The following CDH18 variants were observed in gnomAD, a reference collection of about 807,000 sequenced individuals.
CDH18 encodes cadherin-18.
A neutral mutation model predicts 67.9 loss-of-function variants in CDH18; 31 were observed. The ratio of observed to expected loss-of-function variants is 0.46; its 90% CI spans 0.34 to 0.62. The LOEUF (loss-of-function observed/expected upper bound fraction) is 0.62, where lower values mean the gene tolerates loss of function less well. Ranked by LOEUF, CDH18 falls within the 20% of genes least tolerant of loss-of-function variation. CDH18 has a pLI of 0.01. For synonymous variants in CDH18, 362 were observed against 347.2 expected (o/e 1.04, Z -0.48); for missense variants, 890 against 975.5 (o/e 0.91, Z 1.17).
intron 5 of CDH18, among the ~76,000 whole-genome samples, chr5:19,694,212 T>G (rs1331956475): frequency 3.3e-5 from 5 of 152,150 alleles, no homozygotes; most frequent in African/African-American, 1.2e-4. Flanking sequence ...CAAATCTAAT[T>G]TTTTAGGCTT....
At chr5:20,082,458 T>A (rs1744562869) in intron 2 of CDH18, among the ~76,000 whole-genome samples, 1 of 152,202 alleles carries the variant, frequency 6.6e-6, no homozygotes, top group African/African-American at 2.4e-5. Flanking sequence ...TTTTTTCTAG[T>A]TATTAAGCCT....
chr5:20,225,592 A>T (rs1005038591), intron 2 of CDH18, among the ~76,000 whole-genome samples: 4 of 152,088 alleles, frequency 2.6e-5, no homozygotes, highest in Non-Finnish European at 4.4e-5. Context: ...GCTTGGCATG[A>T]GTGTTCTATA....
intron 2 of CDH18, among the ~76,000 whole-genome samples, chr5:20,139,930 A>G (rs560398702): frequency 1.0e-3 from 152 of 152,308 alleles, no homozygotes; most frequent in African/African-American, 3.5e-3. Flanking sequence ...AGGATCTAGA[A>G]CTAGAAATAC....
chr5:19,822,589 C>T (rs184950151), intron 3 of CDH18, among the ~76,000 whole-genome samples: 71 of 152,202 alleles, frequency 4.7e-4, no homozygotes, highest in Admixed American at 1.8e-3. Context: ...CCCCACAAGC[C>T]GCAAAACCAG....
intron 2 of CDH18, among the ~76,000 whole-genome samples, chr5:19,946,305 T>C (rs1795277959): frequency 6.6e-6 from 1 of 152,022 alleles, no homozygotes; most frequent in Non-Finnish European, 1.5e-5. Context: ...TCAGAGCAAG[T>C]AAACTAAGAT....
rs143964384 is a variant in CDH18, at chr5:20,246,308, A to G, written c.-518+9136T>C. Among the ~76,000 whole-genome samples, 125 of 152,272 alleles carry G rather than the reference A, an allele frequency of 8.2e-4. No homozygotes were observed. The East Asian group carries it at 0.022, about 27-fold the overall frequency. On this transcript the variant is annotated intron_variant, in intron 2 of 14. Transcript: ENST00000507958. ...GACTATTCATTATTTTTGTATATCA[A>G]TGATGGCTTACTGTAATTAGTAAAC...
intron 5 of CDH18, among the ~76,000 whole-genome samples, chr5:19,689,442 T>C (rs1022843522): frequency 5.3e-5 from 8 of 151,898 alleles, no homozygotes; most frequent in African/African-American, 1.7e-4. Flanking sequence ...AGTTTTGCTA[T>C]ATGAATGAAG....
At chr5:20,018,683 A>C (rs1216983417) in intron 2 of CDH18, among the ~76,000 whole-genome samples, 1 of 152,358 alleles carries the variant, frequency 6.6e-6, no homozygotes, top group Non-Finnish European at 1.5e-5. Context: ...GAGAAGAATC[A>C]GGATTTTGTT....
chr5:19,571,864 T>C (rs780093599), intron 7 of CDH18, 32 bp from the exon 8 acceptor site: 2 of 1,556,548 alleles, frequency 1.3e-6, no homozygotes, highest in Non-Finnish European at 8.7e-7. Flanking sequence ...TTATGACTTT[T>C]ATAAAAAAAG....
At chr5:19,952,312 G>C (rs1212691640) in intron 2 of CDH18, among the ~76,000 whole-genome samples, 1 of 152,134 alleles carries the variant, frequency 6.6e-6, no homozygotes, top group Non-Finnish European at 1.5e-5. Flanking sequence ...GCCTCCCAAA[G>C]TGCTGGGATC....
chr5:19,617,401 C>T (rs1445586876), intron 5 of CDH18, among the ~76,000 whole-genome samples: 1 of 152,144 alleles, frequency 6.6e-6, no homozygotes, highest in Non-Finnish European at 1.5e-5. Context: ...AAATAATTTA[C>T]CCTTGTCTTT....
intron 2 of CDH18, among the ~76,000 whole-genome samples, chr5:20,021,303 T>G (rs1187781812): frequency 6.6e-6 from 1 of 152,154 alleles, no homozygotes; most frequent in East Asian, 1.9e-4. Flanking sequence ...TTTAAGTTAA[T>G]GCTGAAATGA....
intron 2 of CDH18, among the ~76,000 whole-genome samples, chr5:19,844,651 T>C (rs567525495): frequency 1.3e-5 from 2 of 152,346 alleles, no homozygotes; most frequent in South Asian, 2.1e-4. Flanking sequence ...ATAAATGATA[T>C]GCTCAAATGA....
chr5:20,150,434 G>A (rs996611884), intron 2 of CDH18, among the ~76,000 whole-genome samples: 3 of 151,946 alleles, frequency 2.0e-5, no homozygotes, highest in African/African-American at 7.2e-5. Context: ...TGCCTATGAA[G>A]TATAATAAGT....
intron 2 of CDH18, among the ~76,000 whole-genome samples, chr5:19,899,721 A>T (rs1241015015): frequency 6.6e-6 from 1 of 151,790 alleles, no homozygotes; most frequent in Non-Finnish European, 1.5e-5. Context: ...GGATGAATGA[A>T]TAAAGAAAAT....
intron 3 of CDH18, among the ~76,000 whole-genome samples, chr5:19,759,728 A>C (rs1772089771): frequency 6.6e-6 from 1 of 152,154 alleles, no homozygotes. Flanking sequence ...GGTTAACCTG[A>C]TAAAAGGCTG....
chr5:20,189,033 T>TC (rs997288293), intron 2 of CDH18, among the ~76,000 whole-genome samples: 3 of 151,926 alleles, frequency 2.0e-5, no homozygotes, highest in African/African-American at 7.3e-5. Context: ...AGCATGGCAA[T>TC]CCCCCAGATT....
chr5:20,186,930 G>A (rs1351357779), intron 2 of CDH18, among the ~76,000 whole-genome samples: 3 of 151,766 alleles, frequency 2.0e-5, no homozygotes, highest in Non-Finnish European at 4.4e-5. Context: ...AACAAAATGT[G>A]GTGTATATGT....
intron 3 of CDH18, among the ~76,000 whole-genome samples, chr5:19,813,363 CAG>C (rs1395535859): frequency 6.6e-6 from 1 of 151,466 alleles, no homozygotes; most frequent in African/African-American, 2.4e-5. Context: ...TATAAAAAAA[CAG>C]AAAGTTAAAA....
Sources: gnomAD v4.1 joint callset for allele counts (sites outside exome capture counted in the v4.1 genomes callset) on GRCh38, gnomAD v4.1.1 for gene constraint, MANE v1.5 for transcripts, NCBI Gene and HGNC (gene_info 2026-07-23, HGNC 2026-07-21) for gene names.